PRKAR1B: variants seen among roughly 807,000 people sequenced by gnomAD.
The protein encoded by PRKAR1B is cAMP-dependent protein kinase type I-beta regulatory subunit.
In PRKAR1B, 22 loss-of-function variants were observed where a neutral mutation model predicts 46.5. The ratio of observed to expected loss-of-function variants is 0.47; its 90% CI spans 0.34 to 0.68. The LOEUF (loss-of-function observed/expected upper bound fraction) is 0.68, where lower values mean the gene tolerates loss of function less well. Among genes scored for constraint, PRKAR1B ranks in the 30% least tolerant of loss-of-function variants. The pLI is 0.01. For synonymous variants in PRKAR1B, 259 were observed against 217.7 expected (o/e 1.19, Z -1.67); for missense variants, 445 against 535.6 (o/e 0.83, Z 1.67).
intron 9 of PRKAR1B, among the ~76,000 whole-genome samples, chr7:576,307 C>T (rs368548814): frequency 3.3e-5 from 5 of 152,346 alleles, no homozygotes; most frequent in East Asian, 1.9e-4. Flanking sequence ...CCTCCTTCAA[C>T]GCTGGCCAGA....
chr7:672,754 G>A (rs1048271551), intron 4 of PRKAR1B, among the ~76,000 whole-genome samples: 18 of 151,922 alleles, frequency 1.2e-4, no homozygotes, highest in Non-Finnish European at 2.1e-4. Context: ...TATAATCCCA[G>A]CTACTTGGAA....
intron 7 of PRKAR1B, 64 bp from the exon 8 acceptor site, chr7:584,632 T>G (rs1418047297): frequency 1.5e-6 from 2 of 1,371,604 alleles, no homozygotes; most frequent in East Asian, 2.3e-5. Flanking sequence ...CATCCTGACG[T>G]TTCCAGATTT....
At chr7:634,174 C>T (rs1783911081) in intron 4 of PRKAR1B, among the ~76,000 whole-genome samples, 1 of 152,132 alleles carries the variant, frequency 6.6e-6, no homozygotes, top group African/African-American at 2.4e-5. Context: ...AGGCGCCTGC[C>T]ACCATGCCCG....
chr7:583,830 AC>A lies in PRKAR1B; in HGVS notation c.769+677del, dbSNP rs533929912. Among the ~76,000 whole-genome samples, 5 of 149,482 alleles carry A rather than the reference AC, an allele frequency of 3.3e-5. No homozygotes were observed. In the South Asian group the frequency reaches 6.4e-4, roughly 19 times the overall value. ...CACTCATGCACACACACGCACACACACCCCCATGTGCACACTCACCCCCACA... is the reference window on the plus strand; with the variant it reads ...CACTCATGCACACACACGCACACACACCCCATGTGCACACTCACCCCCACA... On this transcript the variant is annotated intron_variant, in intron 8 of 10. Transcript: ENST00000537384.
At position 579,405 on chromosome 7, in the gene PRKAR1B, T is replaced by TC. The variant is rs755777395; in HGVS notation, c.770-29dup. On this transcript the variant is annotated intron_variant, in intron 8 of 10. Coordinates refer to ENST00000537384, the MANE Select transcript of PRKAR1B (RefSeq NM_001164760.2). ...GTCGGGGGAGGATGAGGACAGGTCA[T>TC]CCCGGGGCCCACGCCCCCACAGCCA... 3.1e-6 allele frequency: 5 copies of TC among 1,610,544 alleles called. No homozygotes were observed. The East Asian group carries it at 1.1e-4, about 36-fold the overall frequency.
intron 4 of PRKAR1B, among the ~76,000 whole-genome samples, chr7:631,145 T>C (rs1430109638): frequency 6.6e-6 from 1 of 152,056 alleles, no homozygotes; most frequent in Non-Finnish European, 1.5e-5. Flanking sequence ...GAGACAAGGT[T>C]TCACCATGTT....
chr7:627,533 A>AC (rs920289849), intron 4 of PRKAR1B, among the ~76,000 whole-genome samples: 48 of 152,042 alleles, frequency 3.2e-4, no homozygotes, highest in African/African-American at 1.1e-3. Context: ...GGCCAACGCC[A>AC]CCCGGCACTC....
intron 4 of PRKAR1B, among the ~76,000 whole-genome samples, chr7:674,423 T>C (rs1786466471): frequency 6.6e-6 from 1 of 151,186 alleles, no homozygotes; most frequent in Non-Finnish European, 1.5e-5. Context: ...TATACCTAGC[T>C]ACTCTAGCCA....
Position 727,009 on chromosome 7 carries a change from G to A in PRKAR1B, c.-23+201C>T, listed in dbSNP as rs1039028606. The A allele has an allele frequency of 6.5e-6, 8 of 1,236,184 alleles. No homozygotes were observed. The South Asian group carries it at 7.0e-5, about 11-fold the overall frequency. 76.6% of individuals were successfully genotyped at this position (1,236,184 alleles called of 1,614,324 possible). ...CGCCGAGGGCTGCCGCGCGCTGGCAGTGCACCTGCTGGATCTGGGCCTGCG... is the reference window on the plus strand; with the variant it reads ...CGCCGAGGGCTGCCGCGCGCTGGCAATGCACCTGCTGGATCTGGGCCTGCG... On this transcript the variant is annotated intron_variant, in intron 1 of 10. Transcript: ENST00000537384.
chr7:588,468 ATGGTGATGG>A (rs1180026573), intron 7 of PRKAR1B, among the ~76,000 whole-genome samples: 8 of 130,194 alleles, frequency 6.1e-5, no homozygotes, highest in South Asian at 2.3e-4. Context: ...GATGGTGGTG[ATGGTGATGG>A]TGGTGATGGT....
intron 9 of PRKAR1B, among the ~76,000 whole-genome samples, chr7:557,544 G>C (rs1201997717): frequency 6.6e-6 from 1 of 152,230 alleles, no homozygotes; most frequent in Non-Finnish European, 1.5e-5. Flanking sequence ...CAGAAAGACA[G>C]GGAACAGCAG....
At chr7:671,094 C>T (rs962503915) in intron 4 of PRKAR1B, among the ~76,000 whole-genome samples, 16 of 152,218 alleles carry the variant, frequency 1.1e-4, no homozygotes, top group Non-Finnish European at 2.2e-4. Context: ...CGACCGTCCA[C>T]CTCCTTCTTC....
At position 560,621 on chromosome 7, in the gene PRKAR1B, G is replaced by T. The variant is rs1013266110; in HGVS notation, c.892-9151C>A. Among the ~76,000 whole-genome samples the T allele has an allele frequency of 6.6e-6, 1 of 152,076 alleles. No individual in the cohort carries two copies. The highest frequency in any genetic ancestry group is 2.4e-5 in the African/African-American group (1 of 41,408). The stretch of plus-strand genomic sequence containing the variant: ...AAAATCGGGCCGCAGACCAAGAGTC[G>T]AAGAGTCTGGGTCCAGCCTCAGCTC... On this transcript the variant is annotated intron_variant, in intron 9 of 10. Transcript: ENST00000537384. This position sits in a 1 kb window ranked among gnomAD's most constrained non-coding sequence, Gnocchi z 4.2.
chr7:695,206 T>C (rs1779663721), intron 2 of PRKAR1B, among the ~76,000 whole-genome samples: 1 of 152,084 alleles, frequency 6.6e-6, no homozygotes, highest in Non-Finnish European at 1.5e-5. Flanking sequence ...AGGGATGGTT[T>C]TGGGGCTGAA....
At chr7:551,777 T>G (rs1460767605) in intron 9 of PRKAR1B, among the ~76,000 whole-genome samples, 5 of 33,058 alleles carry the variant, frequency 1.5e-4, no homozygotes, top group African/African-American at 4.6e-4. Flanking sequence ...GGTCCTTCCC[T>G]CGGAGCCACT....
At chr7:717,307 A>G (rs1020940412) in intron 1 of PRKAR1B, among the ~76,000 whole-genome samples, 8 of 151,662 alleles carry the variant, frequency 5.3e-5, no homozygotes, top group African/African-American at 1.2e-4. Flanking sequence ...GAAAGAAAGA[A>G]AGAGAGAGAG....
chr7:640,491 G>A (rs376429345), intron 4 of PRKAR1B, among the ~76,000 whole-genome samples: 6 of 152,138 alleles, frequency 3.9e-5, no homozygotes, highest in African/African-American at 7.2e-5. Flanking sequence ...GGCTGGGCGC[G>A]GTGGCTCACG....
intron 1 of PRKAR1B, among the ~76,000 whole-genome samples, chr7:716,387 A>G (rs1383794728): frequency 6.6e-6 from 1 of 151,864 alleles, no homozygotes; most frequent in Non-Finnish European, 1.5e-5. Context: ...ATCACCACAT[A>G]CCTCGCACTT....
Position 714,465 on chromosome 7 carries a change from C to A in PRKAR1B, c.-22-2938G>T, listed in dbSNP as rs948954284. Among the ~76,000 whole-genome samples, 4 of 152,220 alleles carry A rather than the reference C, an allele frequency of 2.6e-5. No homozygotes were observed. The highest frequency in any genetic ancestry group is 2.1e-4 in the South Asian group (1 of 4,830). On this transcript the variant is annotated intron_variant, in intron 1 of 10. Coordinates refer to ENST00000537384, the MANE Select transcript of PRKAR1B (RefSeq NM_001164760.2). This position sits in a 1 kb window ranked among gnomAD's most constrained non-coding sequence, Gnocchi z 4.3. ...GCATGCACGTGGCCAGCCAGACATG[C>A]GGCCCCTGGCCCCACTGAGCTGTGA... is the stretch of plus-strand genomic sequence containing the variant.
Sources: gnomAD v4.1 joint callset for allele counts (sites outside exome capture counted in the v4.1 genomes callset) on GRCh38, gnomAD v4.1.1 for gene constraint, Gnocchi (gnomAD v3.1) non-coding constraint, MANE v1.5 for transcripts, NCBI Gene and HGNC (gene_info 2026-07-23, HGNC 2026-07-21) for gene names.